The following ADGRL3 variants were observed in gnomAD, a reference collection of about 807,000 sequenced individuals.
The protein encoded by ADGRL3 is calcium-independent alpha-latrotoxin receptor 3.
Under a neutral mutation model 153.5 loss-of-function variants are expected in ADGRL3, and 62 were observed. The ratio of observed to expected loss-of-function variants is 0.40; its 90% CI spans 0.33 to 0.50. The LOEUF is 0.50. Among genes scored for constraint, ADGRL3 ranks in the 20% least tolerant of loss-of-function variants. The pLI is 0.47. For missense variants in ADGRL3, 1,641 were observed against 1,859.4 expected (o/e 0.88, Z 2.16); for synonymous variants, 710 against 672.5 (o/e 1.06, Z -0.86).
intron 6 of ADGRL3, 144 bp from the exon 7 acceptor site, chr4:61,730,476 CAT>C: frequency 3.6e-6 from 1 of 281,462 alleles, no homozygotes; most frequent in East Asian, 5.8e-5. Flanking sequence ...TTTATTAAAA[CAT>C]ATAATGTTCA....
intron 8 of ADGRL3, among the ~76,000 whole-genome samples, chr4:61,811,389 CAT>C (rs2097617911): frequency 6.6e-6 from 1 of 151,604 alleles, no homozygotes; most frequent in Admixed American, 6.6e-5. Context: ...AATATACAAA[CAT>C]ATATTTTATA....
intron 11 of ADGRL3, among the ~76,000 whole-genome samples, chr4:61,907,903 C>T (rs1560357604): frequency 6.6e-6 from 1 of 152,076 alleles, no homozygotes; most frequent in Non-Finnish European, 1.5e-5. Context: ...TCTGAGAATG[C>T]AGGTCAGCAA....
intron 4 of ADGRL3, among the ~76,000 whole-genome samples, chr4:61,544,452 T>C (rs112904924): frequency 1.6e-4 from 25 of 152,332 alleles, no homozygotes; most frequent in African/African-American, 5.3e-4. Context: ...GAACTACTGA[T>C]GGTAAGTAAG....
intron 9 of ADGRL3, among the ~76,000 whole-genome samples, chr4:61,870,107 A>G (rs1196074878): frequency 6.6e-6 from 1 of 152,048 alleles, no homozygotes; most frequent in Non-Finnish European, 1.5e-5. Flanking sequence ...GATTTAAAAC[A>G]GCACAGTTCT....
intron 8 of ADGRL3, among the ~76,000 whole-genome samples, chr4:61,790,987 C>G (rs921382384): frequency 1.3e-5 from 2 of 152,128 alleles, no homozygotes; most frequent in African/African-American, 4.8e-5. Flanking sequence ...GGGTCCCTCC[C>G]ATGACACATT....
At chr4:61,616,617 C>A (rs1216298317) in intron 5 of ADGRL3, among the ~76,000 whole-genome samples, 1 of 152,112 alleles carries the variant, frequency 6.6e-6, no homozygotes, top group Non-Finnish European at 1.5e-5. Context: ...TTGACTACAA[C>A]CTCCCACATT....
chr4:61,668,739 C>A (rs28416022), intron 5 of ADGRL3, among the ~76,000 whole-genome samples: 3 of 152,052 alleles, frequency 2.0e-5, no homozygotes, highest in Non-Finnish European at 4.4e-5. Context: ...AAAATGGAGG[C>A]CTGGCACAGT....
intron 4 of ADGRL3, among the ~76,000 whole-genome samples, chr4:61,552,248 T>C (rs2098743741): frequency 6.6e-6 from 1 of 152,190 alleles, no homozygotes; most frequent in African/African-American, 2.4e-5. Flanking sequence ...CAGCATTTAT[T>C]ACCAGTTGCT....
chr4:61,576,557 CT>C (rs1254435602), intron 4 of ADGRL3, among the ~76,000 whole-genome samples: 1 of 148,132 alleles, frequency 6.8e-6, no homozygotes, highest in African/African-American at 2.5e-5. Context: ...TAGAGATTCA[CT>C]GTCTTTAGAG....
At chr4:61,926,940 G>A (rs933874140) in intron 13 of ADGRL3, among the ~76,000 whole-genome samples, 4 of 152,140 alleles carry the variant, frequency 2.6e-5, no homozygotes, top group Admixed American at 2.6e-4. Context: ...CTCTGTGCCT[G>A]TAAGTACACT....
At chr4:62,025,637 C>T (rs527628756) in intron 21 of ADGRL3, among the ~76,000 whole-genome samples, 31 of 152,118 alleles carry the variant, frequency 2.0e-4, no homozygotes, top group African/African-American at 4.3e-4. Flanking sequence ...CATACAGATG[C>T]GTTAGTATAT....
chr4:61,256,646 C>A (rs919926045), intron 1 of ADGRL3, among the ~76,000 whole-genome samples: 2 of 152,066 alleles, frequency 1.3e-5, no homozygotes, highest in African/African-American at 4.8e-5. Flanking sequence ...ACACAGAAAG[C>A]GCATTTTCAC....
At chr4:61,371,770 G>T (rs2096533049) in intron 1 of ADGRL3, among the ~76,000 whole-genome samples, 1 of 152,150 alleles carries the variant, frequency 6.6e-6, no homozygotes, top group Non-Finnish European at 1.5e-5. Flanking sequence ...GAATCTGAAT[G>T]TTGGCCTGCC....
intron 5 of ADGRL3, among the ~76,000 whole-genome samples, chr4:61,647,298 C>T (rs1427563781): frequency 3.3e-5 from 5 of 152,136 alleles, no homozygotes; most frequent in Admixed American, 6.5e-5. Context: ...ATCTTGGCTC[C>T]TCCCCGATTT....
intron 1 of ADGRL3, among the ~76,000 whole-genome samples, chr4:61,325,981 TAG>T (rs2095456368): frequency 1.3e-5 from 2 of 152,116 alleles, no homozygotes; most frequent in African/African-American, 2.4e-5. Context: ...AACTGGAACC[TAG>T]AGAGTTATTT....
At chr4:61,846,386 G>T (rs1225524888) in intron 9 of ADGRL3, among the ~76,000 whole-genome samples, 1 of 151,574 alleles carries the variant, frequency 6.6e-6, no homozygotes, top group African/African-American at 2.4e-5. Context: ...ACATACTAAA[G>T]AAAGTGAATA....
intron 9 of ADGRL3, among the ~76,000 whole-genome samples, chr4:61,835,722 A>G (rs933758386): frequency 6.6e-6 from 1 of 152,040 alleles, no homozygotes; most frequent in Non-Finnish European, 1.5e-5. Flanking sequence ...GAAGCTATCC[A>G]TGGGGGGAAA....
At chr4:61,937,131 C>T (rs2098842456) in intron 15 of ADGRL3, among the ~76,000 whole-genome samples, 1 of 152,068 alleles carries the variant, frequency 6.6e-6, no homozygotes, top group Non-Finnish European at 1.5e-5. Context: ...AAATCGTTTC[C>T]CTGCCTCCAC....
At chr4:61,668,209 A>T (rs1262414533) in intron 5 of ADGRL3, among the ~76,000 whole-genome samples, 1 of 152,184 alleles carries the variant, frequency 6.6e-6, no homozygotes, top group African/African-American at 2.4e-5. Flanking sequence ...ATGTGATGTG[A>T]CTTTAGAAAT....
Sources: gnomAD v4.1 joint callset for allele counts (sites outside exome capture counted in the v4.1 genomes callset) on GRCh38, gnomAD v4.1.1 for gene constraint, MANE v1.5 for transcripts, NCBI Gene and HGNC (gene_info 2026-07-23, HGNC 2026-07-21) for gene names.